The following DLC1 variants were observed in gnomAD, a reference collection of about 807,000 sequenced individuals.
The protein encoded by DLC1 is DLC1 Rho GTPase activating protein.
Under a neutral mutation model 140.3 loss-of-function variants are expected in DLC1, and 54 were observed. That is an observed-to-expected ratio of 0.38 (90% CI 0.31 to 0.48). DLC1 has a LOEUF of 0.48. Among genes scored for constraint, DLC1 ranks in the 20% least tolerant of loss-of-function variants. The pLI, the probability that DLC1 is intolerant of heterozygous loss-of-function variation, is 0.96. For missense variants in DLC1, 2,536 were observed against 1,907.0 expected, an observed-to-expected ratio of 1.33 and a Z score of -6.14; for synonymous variants, 986 against 728.1, an observed-to-expected ratio of 1.35 and a Z score of -5.70.
At chr8:13,278,010 A>G (rs144734510) in intron 5 of DLC1, among the ~76,000 whole-genome samples, 9 of 152,362 alleles carry the variant, frequency 5.9e-5, no homozygotes, top group Admixed American at 6.5e-5. Flanking sequence ...GTGCTCATGA[A>G]TTATAACTAA....
intron 1 of DLC1, among the ~76,000 whole-genome samples, chr8:13,591,918 G>C (rs1422991412): frequency 6.6e-6 from 1 of 152,026 alleles, no homozygotes; most frequent in African/African-American, 2.4e-5. Context: ...TTTTGACCTT[G>C]TCGAGTTCAG....
chr8:13,604,505 CAAAGTAT>C (rs1412073762), intron 1 of DLC1: 1 of 152,006 alleles, frequency 6.6e-6, no homozygotes, highest in Non-Finnish European at 1.5e-5. Flanking sequence ...ATATATGATA[CAAAGTAT>C]AAAGTAGAAG....
At chr8:13,495,685 G>A (rs1325525819) in intron 2 of DLC1, among the ~76,000 whole-genome samples, 1 of 152,074 alleles carries the variant, frequency 6.6e-6, no homozygotes, top group East Asian at 1.9e-4. Context: ...ATAAATATAC[G>A]TGTGACTAAA....
Position 13,566,813 on chromosome 8 carries a change from A to G in DLC1, c.-126+37724T>C, listed in dbSNP as rs577760423. On this transcript the variant is annotated intron_variant, in intron 1 of 1. Coordinates refer to the DLC1 transcript ENST00000631382. ...AAAGGCGGGACGCCGCATGGTGGCC[A>G]GTCACTGCGCATGAGCGGCCCGCGT... The G allele has an allele frequency of 1.2e-5, 9 of 757,628 alleles. No homozygotes were observed. In the African/African-American group the frequency reaches 1.2e-4, roughly 10 times the overall value. The allele number at this position is 757,628 out of a possible 1,614,324, so 46.9% of individuals were successfully genotyped here.
intron 5 of DLC1, among the ~76,000 whole-genome samples, chr8:13,210,777 T>C (rs1186615931): frequency 6.6e-6 from 1 of 152,160 alleles, no homozygotes; most frequent in Non-Finnish European, 1.5e-5. Context: ...TTGAGGAAAA[T>C]GATTTAGCCC....
intron 2 of DLC1, among the ~76,000 whole-genome samples, chr8:13,496,477 T>C (rs1228425820): frequency 6.6e-6 from 1 of 152,142 alleles, no homozygotes; most frequent in Non-Finnish European, 1.5e-5. Flanking sequence ...ACTCATCCAA[T>C]GTAATTGCTG....
chr8:13,339,113 A>G (rs754816055), intron 4 of DLC1, among the ~76,000 whole-genome samples: 1 of 152,236 alleles, frequency 6.6e-6, no homozygotes, highest in African/African-American at 2.4e-5. Flanking sequence ...TAACTGAATC[A>G]TTCCCTTCCT....
At chr8:13,240,585 C>T (rs1198630705) in intron 5 of DLC1, among the ~76,000 whole-genome samples, 1 of 152,044 alleles carries the variant, frequency 6.6e-6, no homozygotes, top group Admixed American at 6.5e-5. Context: ...GCCACCACGC[C>T]CCTCTAATTT....
intron 1 of DLC1, among the ~76,000 whole-genome samples, chr8:13,577,142 T>G (rs781762403): frequency 8.4e-4 from 128 of 152,292 alleles, no homozygotes; most frequent in Admixed American, 1.8e-3. Context: ...AACTGGGCTG[T>G]TACTGGAGAA....
chr8:13,564,439 G>A (rs568499701), intron 1 of DLC1, among the ~76,000 whole-genome samples: 54 of 152,260 alleles, frequency 3.5e-4, no homozygotes, highest in African/African-American at 6.7e-4. Flanking sequence ...CAAGCACAGC[G>A]TTACTTGAGA....
intron 5 of DLC1, among the ~76,000 whole-genome samples, chr8:13,248,118 C>G (rs1279850398): frequency 6.6e-6 from 1 of 152,164 alleles, no homozygotes; most frequent in African/African-American, 2.4e-5. Flanking sequence ...GGGAAGCTGC[C>G]CAGTTGTTAA....
At chr8:13,425,453 C>A (rs1433456716) in intron 2 of DLC1, among the ~76,000 whole-genome samples, 1 of 152,158 alleles carries the variant, frequency 6.6e-6, no homozygotes, top group Admixed American at 6.5e-5. Context: ...ATGCTGCTAA[C>A]ACTCACTGTC....
At chr8:13,319,677 G>C (rs896486172) in intron 4 of DLC1, among the ~76,000 whole-genome samples, 1 of 152,106 alleles carries the variant, frequency 6.6e-6, no homozygotes, top group Non-Finnish European at 1.5e-5. Context: ...TTCCTGTTCA[G>C]TGTGTGGAAT....
chr8:13,573,665 T>A (rs985809012), intron 1 of DLC1, among the ~76,000 whole-genome samples: 1 of 152,148 alleles, frequency 6.6e-6, no homozygotes, highest in Admixed American at 6.5e-5. Context: ...ATAAAAGTGT[T>A]TCGTATTTTG....
intron 5 of DLC1, among the ~76,000 whole-genome samples, chr8:13,188,836 TATATA>T (rs1826564659): frequency 3.7e-4 from 11 of 29,836 alleles, no homozygotes; most frequent in African/African-American, 1.1e-3. Flanking sequence ...TGTATATATA[TATATA>T]TATTTTTTTT....
In DLC1 at chr8:13,325,958, G is replaced by A. The variant is rs138885298; in HGVS notation, c.1315-20656C>T. ...GAGCATATATAGAAACCGGATGTAT[G>A]ACACTTGATATTGGCATTGCATAGT... On this transcript the variant is annotated intron_variant, in intron 4 of 17. Coordinates refer to ENST00000276297, the MANE Select transcript of DLC1 (RefSeq NM_182643.3). Among the ~76,000 whole-genome samples, 65 of 152,254 alleles carry A rather than the reference G, an allele frequency of 4.3e-4. 1 individual carries two copies. Among genetic ancestry groups the A allele is most frequent in the African/African-American group, 1.4e-3 (58 of 41,554 alleles).
intron 5 of DLC1, among the ~76,000 whole-genome samples, chr8:13,193,058 C>T (rs372191160): frequency 1.3e-5 from 2 of 152,122 alleles, no homozygotes; most frequent in Non-Finnish European, 2.9e-5. Flanking sequence ...CCAAACCATC[C>T]CCCTCCTCTC....
intron 5 of DLC1, among the ~76,000 whole-genome samples, chr8:13,229,357 C>T (rs898608761): frequency 3.3e-5 from 5 of 152,062 alleles, no homozygotes; most frequent in Non-Finnish European, 4.4e-5. Flanking sequence ...TCCTCTGATT[C>T]CATTTATATA....
At chr8:13,330,418 T>C (rs568278628) in intron 4 of DLC1, among the ~76,000 whole-genome samples, 1 of 152,376 alleles carries the variant, frequency 6.6e-6, no homozygotes, top group South Asian at 2.1e-4. Flanking sequence ...AACTTTTGAC[T>C]GAACACAAAG....
Sources: allele counts gnomAD v4.1 joint callset (sites outside exome capture counted in the v4.1 genomes callset), GRCh38; gene constraint gnomAD v4.1.1; transcripts MANE v1.5; gene names NCBI Gene and HGNC (gene_info 2026-07-23, HGNC 2026-07-21).